The following EPB41L5 variants were observed in gnomAD, a reference collection of about 807,000 sequenced individuals.
EPB41L5 encodes erythrocyte membrane protein band 4.1 like 5, also known as band 4.1-like protein 5.
EPB41L5 carries 55 observed loss-of-function variants against 106.6 expected under a neutral mutation model. The observed-to-expected ratio is 0.52, with a 90% confidence interval of 0.42 to 0.65. The LOEUF is 0.65. Ranked by LOEUF, EPB41L5 falls within the 30% of genes least tolerant of loss-of-function variation. EPB41L5 has a pLI of 0.00. For synonymous variants in EPB41L5, 297 were observed against 306.7 expected (o/e 0.97, Z 0.33); for missense variants, 871 against 882.1 (o/e 0.99, Z 0.16).
At chr2:120,052,666 C>T (rs865901009) in intron 3 of EPB41L5, among the ~76,000 whole-genome samples, 1 of 152,142 alleles carries the variant, frequency 6.6e-6, no homozygotes, top group Non-Finnish European at 1.5e-5. Context: ...TTGACATGGC[C>T]CCTTCATTCT....
chr2:120,155,688 A>AT (rs1403340914), intron 20 of EPB41L5, among the ~76,000 whole-genome samples: 3 of 150,218 alleles, frequency 2.0e-5, no homozygotes, highest in Non-Finnish European at 4.4e-5. Flanking sequence ...TTTTTTCATT[A>AT]TTTTTTCTTT....
At chr2:120,102,143 T>C (rs1366942248) in intron 16 of EPB41L5, among the ~76,000 whole-genome samples, 1 of 152,202 alleles carries the variant, frequency 6.6e-6, no homozygotes, top group Non-Finnish European at 1.5e-5. Flanking sequence ...ATTATGTTAA[T>C]ATGGAGTGAG....
intron 14 of EPB41L5, among the ~76,000 whole-genome samples, chr2:120,099,459 G>A (rs1403501869): frequency 6.6e-6 from 1 of 150,612 alleles, no homozygotes; most frequent in Non-Finnish European, 1.5e-5. Context: ...ATGGAGTCTC[G>A]CCCTGTCGCC....
At chr2:120,046,069 G>A (rs1239766668) in intron 3 of EPB41L5, among the ~76,000 whole-genome samples, 1 of 151,826 alleles carries the variant, frequency 6.6e-6, no homozygotes, top group Non-Finnish European at 1.5e-5. Flanking sequence ...GATGGGGTTT[G>A]GGTTGGTTCC....
chr2:120,101,692 G>A (rs1209193617), intron 16 of EPB41L5: 1 of 152,244 alleles, frequency 6.6e-6, no homozygotes, highest in South Asian at 2.1e-4. Flanking sequence ...CTCAACAGTG[G>A]TTGGTGATTG....
intron 3 of EPB41L5, among the ~76,000 whole-genome samples, chr2:120,058,985 A>G (rs1408469628): frequency 6.6e-6 from 1 of 152,228 alleles, no homozygotes; most frequent in Non-Finnish European, 1.5e-5. Flanking sequence ...ACAGAGGACT[A>G]CTAGAATGGC....
intron 16 of EPB41L5, chr2:120,104,257 G>T (rs1233915397): frequency 4.1e-5 from 62 of 1,529,138 alleles, no homozygotes; most frequent in Non-Finnish European, 5.4e-5. Flanking sequence ...AGCCTCTTAG[G>T]CTTTGGGACT....
At position 120,079,004 on chromosome 2, in the gene EPB41L5, C is replaced by T. The variant is rs139201957; in HGVS notation, c.803+423C>T. ...CTCCTTATACTGTTCCAGCTTTTAT[C>T]GTTCATACTTTTAAATTACATTTAT... On this transcript the variant is annotated intron_variant, in intron 10 of 24. Transcript: ENST00000263713. 2.9e-3 allele frequency among the ~76,000 whole-genome samples: 446 copies of T among 152,186 alleles called. 2 individuals carry two copies. The highest frequency in any genetic ancestry group is 0.01 in the African/African-American group (424 of 41,532).
chr2:120,013,343 A>G (rs1039102846), intron 1 of EPB41L5, 133 bp downstream of exon 1: 2 of 151,852 alleles, frequency 1.3e-5, no homozygotes, highest in African/African-American at 4.8e-5. Flanking sequence ...CCCAGACCCT[A>G]GGGCGGCCGG....
chr2:120,024,396 T>C (rs1678163728), intron 2 of EPB41L5, among the ~76,000 whole-genome samples: 1 of 152,228 alleles, frequency 6.6e-6, no homozygotes, highest in African/African-American at 2.4e-5. Flanking sequence ...TGAAGACTTG[T>C]TGAATTTTAT....
chr2:120,025,618 T>G lies in EPB41L5; in HGVS notation c.180+6354T>G, dbSNP rs946923469. Among the ~76,000 whole-genome samples the G allele has an allele frequency of 5.9e-5, 9 of 152,218 alleles. 1 individual carries two copies. The highest frequency in any genetic ancestry group is 5.9e-4 in the Admixed American group (9 of 15,276). Reference sequence around the variant, plus strand: ...TACAGATGCTAAAGGCTTTAAATTATGTAAGACTGTATATAGTTATACTTT... The same window carrying G: ...TACAGATGCTAAAGGCTTTAAATTAGGTAAGACTGTATATAGTTATACTTT... On this transcript the variant is annotated intron_variant, in intron 2 of 24. Transcript: ENST00000263713.
chr2:120,105,831 G>C (rs1052317371), intron 16 of EPB41L5: 1 of 985,156 alleles, frequency 1.0e-6, no homozygotes, highest in Admixed American at 6.2e-5. Context: ...TCTTAAAAGA[G>C]AGGAATTTGG....
intron 3 of EPB41L5, among the ~76,000 whole-genome samples, chr2:120,068,368 A>G (rs191045746): frequency 2.9e-4 from 44 of 152,300 alleles, no homozygotes; most frequent in African/African-American, 5.8e-4. Context: ...TGGGCAGGCA[A>G]TGAGCTGGCT....
At chr2:120,089,778 A>G (rs1683292172) in intron 11 of EPB41L5, among the ~76,000 whole-genome samples, 1 of 152,086 alleles carries the variant, frequency 6.6e-6, no homozygotes, top group Admixed American at 6.6e-5. Context: ...TAGATTCTGG[A>G]GCAAGACTAA....
intron 10 of EPB41L5, among the ~76,000 whole-genome samples, chr2:120,080,255 C>T (rs1682552446): frequency 6.6e-6 from 1 of 152,018 alleles, no homozygotes; most frequent in Non-Finnish European, 1.5e-5. Context: ...CTATCCCTCC[C>T]CCTCCCCCAA....
chr2:120,104,075 C>T lies in EPB41L5; in HGVS notation c.1337+3261C>T, dbSNP rs551715719. 4.0e-5 allele frequency: 61 copies of T among 1,533,866 alleles called. No individual in the cohort carries two copies. In the East Asian group the frequency reaches 9.3e-4, roughly 23 times the overall value. ...AACCATCCAGGCTCTCTGCTGCCAG[C>T]GACTGCTGTCAACGTGGTGGAAACC... On this transcript the variant is annotated intron_variant, in intron 16 of 24. Transcript: ENST00000263713.
chr2:120,026,182 T>G (rs1490090154), intron 2 of EPB41L5, among the ~76,000 whole-genome samples: 3 of 152,264 alleles, frequency 2.0e-5, no homozygotes, highest in East Asian at 3.9e-4. Flanking sequence ...ATAGGCATAA[T>G]TTTTGGAATT....
chr2:120,130,297 T>C (rs550489385), intron 17 of EPB41L5, among the ~76,000 whole-genome samples: 26 of 152,234 alleles, frequency 1.7e-4, no homozygotes, highest in South Asian at 1.7e-3. Context: ...TTCAGACTTA[T>C]AACATTTGCT....
At chr2:120,115,228 T>C (rs1459138146) in intron 16 of EPB41L5, among the ~76,000 whole-genome samples, 1 of 152,226 alleles carries the variant, frequency 6.6e-6, no homozygotes, top group African/African-American at 2.4e-5. Context: ...TGTCTTTTAA[T>C]TGGACAGTTT....
Sources: allele counts gnomAD v4.1 joint callset (sites outside exome capture counted in the v4.1 genomes callset), GRCh38; gene constraint gnomAD v4.1.1; transcripts MANE v1.5; gene names NCBI Gene and HGNC (gene_info 2026-07-23, HGNC 2026-07-21).